MYO18B: variants seen among roughly 807,000 people sequenced by gnomAD.
MYO18B encodes the protein unconventional myosin-XVIIIb.
In MYO18B, 204 loss-of-function variants were observed where a neutral mutation model predicts 273.0. The observed-to-expected ratio is 0.75, with a 90% CI of 0.67 to 0.84. MYO18B has a LOEUF of 0.84. Ranked by LOEUF, MYO18B falls within the 40% of genes least tolerant of loss-of-function variation. The probability of loss-of-function intolerance (pLI) is 0.00; values close to 1 mark genes in which losing one functional copy is unlikely to be tolerated. For missense variants in MYO18B, 3,212 were observed against 3,287.6 expected (o/e 0.98, Z 0.56); for synonymous variants, 1,330 against 1,305.7 (o/e 1.02, Z -0.40).
At chr22:25,938,746 T>C (rs2092610404) in intron 34 of MYO18B, among the ~76,000 whole-genome samples, 1 of 152,234 alleles carries the variant, frequency 6.6e-6, no homozygotes, top group Non-Finnish European at 1.5e-5. Context: ...AAATAATTGT[T>C]ACTCTGTCAC....
intron 32 of MYO18B, 93 bp from the exon 33 acceptor site, chr22:25,910,853 A>G (rs1601550761): frequency 1.0e-6 from 1 of 988,698 alleles, no homozygotes; most frequent in Non-Finnish European, 1.6e-6. Context: ...CACAAGCTCT[A>G]CATTCCTCCG....
At chr22:26,055,610 C>G in the MYO18B span, among the ~76,000 whole-genome samples, 4 of 152,222 alleles carry the variant, frequency 2.6e-5, no homozygotes, top group Non-Finnish European at 5.9e-5. Flanking sequence ...CACTTTGAAA[C>G]TCTTTATCTT....
intron 10 of MYO18B, among the ~76,000 whole-genome samples, chr22:25,784,998 G>A (rs1474179069): frequency 6.6e-6 from 1 of 152,192 alleles, no homozygotes; most frequent in South Asian, 2.1e-4. Flanking sequence ...CACTCTCAGT[G>A]CCTCTGTTTT....
chr22:25,891,246 A>T, intron 26 of MYO18B, 58 bp from the exon 27 acceptor site: 1 of 1,279,058 alleles, frequency 7.8e-7, no homozygotes, highest in East Asian at 2.5e-5. Flanking sequence ...CATGGGTAAG[A>T]TGACCAGCCC....
chr22:25,951,107 G>A (rs2092787816), intron 37 of MYO18B, among the ~76,000 whole-genome samples: 1 of 152,118 alleles, frequency 6.6e-6, no homozygotes, highest in Non-Finnish European at 1.5e-5. Context: ...TGATTAGATG[G>A]TGCCCACCAG....
intron 22 of MYO18B, among the ~76,000 whole-genome samples, chr22:25,872,982 A>G (rs963724853): frequency 6.6e-6 from 1 of 152,190 alleles, no homozygotes; most frequent in African/African-American, 2.4e-5. Context: ...ACTGACTGAA[A>G]TCCCACCATA....
At chr22:25,859,795 C>T (rs2090677870) in intron 21 of MYO18B, among the ~76,000 whole-genome samples, 1 of 152,110 alleles carries the variant, frequency 6.6e-6, no homozygotes, top group African/African-American at 2.4e-5. Context: ...ATATTTTCTT[C>T]CAGCCTGTGG....
At chr22:26,062,618 TTAA>T in the MYO18B span, among the ~76,000 whole-genome samples, 1 of 152,218 alleles carries the variant, frequency 6.6e-6, no homozygotes, top group Non-Finnish European at 1.5e-5. Flanking sequence ...TTTACTATTA[TTAA>T]TAATTTTATT....
intron 22 of MYO18B, among the ~76,000 whole-genome samples, chr22:25,870,760 G>A (rs988152482): frequency 6.6e-6 from 1 of 152,168 alleles, no homozygotes; most frequent in Non-Finnish European, 1.5e-5. Flanking sequence ...AAACTCTGGA[G>A]GGGGGCAGGG....
At chr22:25,942,824 G>A (rs2092660143) in intron 34 of MYO18B, among the ~76,000 whole-genome samples, 1 of 152,086 alleles carries the variant, frequency 6.6e-6, no homozygotes, top group South Asian at 2.1e-4. Context: ...TATGAGCTAA[G>A]AAGGCCAGCA....
At chr22:25,921,855 T>TGTGTGTGTGTGC (rs1491121593) in intron 34 of MYO18B, among the ~76,000 whole-genome samples, 2 of 142,786 alleles carry the variant, frequency 1.4e-5, no homozygotes, top group African/African-American at 5.2e-5. Flanking sequence ...TGTGTGTGTG[T>TGTGTGTGTGTGC]GGTGACTGCC....
the MYO18B span, among the ~76,000 whole-genome samples, chr22:26,038,795 A>C: frequency 6.6e-6 from 1 of 151,996 alleles, no homozygotes; most frequent in South Asian, 2.1e-4. Context: ...TTCCTGCCTC[A>C]TTTCCTTCTC....
rs1305449141 is a variant in MYO18B at position 25,895,174 on chromosome 22, G to A, written c.4562G>A (p.Arg1521His). ...PTGGADEWQMRFDCAQMENEF... is the reference protein window; with the variant it reads ...PTGGADEWQMHFDCAQMENEF... ...TAAACAGCAGACGAGTGGCAGATGCGCTTCGACTGTGCTCAGATGGAGAAC... is the reference window on the plus strand; with the variant it reads ...TAAACAGCAGACGAGTGGCAGATGCACTTCGACTGTGCTCAGATGGAGAAC... Residue 1521 changes from arginine (R) to histidine (H), a missense_variant, in exon 28 of 44, where the codon CGC becomes CAC. Arg to His is a conservative substitution (Grantham distance 29). Coordinates refer to ENST00000335473, the MANE Select transcript of MYO18B (RefSeq NM_032608.7). 7 of 1,612,376 alleles carry A rather than the reference G, an allele frequency of 4.3e-6. No individual in the cohort carries two copies. Among genetic ancestry groups the A allele is most frequent in the Admixed American group, 1.7e-5 (1 of 59,884 alleles).
chr22:25,903,515 A>G, intron 30 of MYO18B, 116 bp from the exon 31 acceptor site: 1 of 1,042,268 alleles, frequency 9.6e-7, no homozygotes, highest in Admixed American at 2.5e-5. Context: ...TGGAAATGGC[A>G]GGCATTGGAA....
At chr22:25,795,010 A>T (rs2087847683) in intron 11 of MYO18B, among the ~76,000 whole-genome samples, 1 of 152,228 alleles carries the variant, frequency 6.6e-6, no homozygotes, top group South Asian at 2.1e-4. Context: ...AGCACATGGG[A>T]TGCAGGCTTT....
chr22:25,780,298 T>G, intron 9 of MYO18B, 100 bp downstream of exon 9: 1 of 1,397,670 alleles, frequency 7.2e-7, no homozygotes, highest in Non-Finnish European at 9.6e-7. Flanking sequence ...GACTCTAGGA[T>G]GTGTCTGAAA....
chr22:25,880,747 C>T (rs984817767), intron 25 of MYO18B, among the ~76,000 whole-genome samples: 2 of 152,230 alleles, frequency 1.3e-5, no homozygotes, highest in African/African-American at 4.8e-5. Context: ...AAGCTTGTCA[C>T]ACATGAAGTG....
chr22:25,915,580 TAAG>T (rs1294341235), intron 33 of MYO18B, among the ~76,000 whole-genome samples: 1 of 152,228 alleles, frequency 6.6e-6, no homozygotes, highest in African/African-American at 2.4e-5. Context: ...GTAACTTTAA[TAAG>T]GTTAAATCAG....
At chr22:25,999,602 CCTCCTT>C (rs1933726847) in intron 40 of MYO18B, among the ~76,000 whole-genome samples, 2 of 133,370 alleles carry the variant, frequency 1.5e-5, no homozygotes, top group Middle Eastern at 3.8e-3. Flanking sequence ...CCTCCTTTCT[CCTCCTT>C]CTCCTTCTCT....
Sources: gnomAD v4.1 joint callset for allele counts (sites outside exome capture counted in the v4.1 genomes callset) on GRCh38, gnomAD v4.1.1 for gene constraint, MANE v1.5 for transcripts, NCBI Gene and HGNC (gene_info 2026-07-23, HGNC 2026-07-21) for gene names.